Variants in CD247 observed in about 807,000 individuals in gnomAD.
The protein encoded by CD247 is CD247 molecule, also known as T-cell surface glycoprotein CD3 zeta chain.
Under a neutral mutation model 30.0 loss-of-function variants are expected in CD247, and 13 were observed. The observed-to-expected ratio is 0.43, with a 90% CI of 0.28 to 0.69. The LOEUF is 0.69. CD247 is among the 30% of genes least tolerant of loss of function. The pLI is 0.16. For synonymous variants in CD247, 72 were observed against 80.0 expected, an observed-to-expected ratio of 0.90 and a Z score of 0.53; for missense variants, 193 against 212.6, an observed-to-expected ratio of 0.91 and a Z score of 0.57.
At chr1:167,471,823 G>GTTTC (rs1653538406) in intron 1 of CD247, among the ~76,000 whole-genome samples, 1 of 132,580 alleles carries the variant, frequency 7.5e-6, no homozygotes, top group South Asian at 2.4e-4. Context: ...TTTTCTTTCT[G>GTTTC]TTTCTTTCTT....
chr1:167,452,161 G>T (rs1361166616), intron 1 of CD247, among the ~76,000 whole-genome samples: 1 of 152,180 alleles, frequency 6.6e-6, no homozygotes, highest in African/African-American at 2.4e-5. Flanking sequence ...GGAGGCAGAG[G>T]TTGCAGTGAG....
At chr1:167,513,864 G>A (rs575457927) in intron 1 of CD247, among the ~76,000 whole-genome samples, 2 of 152,196 alleles carry the variant, frequency 1.3e-5, no homozygotes, top group African/African-American at 4.8e-5. Flanking sequence ...TTTAATAATG[G>A]CAGGGTTTTA....
chr1:167,469,839 G>A (rs1653425966), intron 1 of CD247, among the ~76,000 whole-genome samples: 1 of 152,040 alleles, frequency 6.6e-6, no homozygotes, highest in Non-Finnish European at 1.5e-5. Context: ...TCAAGACTCA[G>A]GCCTTGGACC....
At chr1:167,455,683 G>A (rs1302850467) in intron 1 of CD247, among the ~76,000 whole-genome samples, 1 of 152,122 alleles carries the variant, frequency 6.6e-6, no homozygotes, top group Non-Finnish European at 1.5e-5. Flanking sequence ...CCCCACTTGC[G>A]GTCCCTTGTC....
intron 1 of CD247, among the ~76,000 whole-genome samples, chr1:167,479,419 A>G (rs1055036459): frequency 3.3e-5 from 5 of 152,322 alleles, no homozygotes; most frequent in Admixed American, 6.5e-5. Context: ...AGGGCCCCAT[A>G]GACCTGCTGA....
At position 167,438,567 on chromosome 1, in the gene CD247, T is replaced by C. The variant is rs1259655555; in HGVS notation, c.300+3A>G. 2 of 1,611,500 alleles carry C rather than the reference T, an allele frequency of 1.2e-6. No homozygotes were observed. The highest frequency in any genetic ancestry group is 3.3e-5 in the Admixed American group (2 of 60,008). On this transcript the variant is annotated splice_donor_region_variant and intron_variant, in intron 4 of 7. Coordinates refer to ENST00000362089, the MANE Select transcript of CD247 (RefSeq NM_198053.3). ...ACACACAGGAAGGTAGAGGAACCCC[T>C]ACCGGCTTTCCCCCCATCTCAGGGT...
At chr1:167,508,884 C>T (rs1411609422) in intron 1 of CD247, among the ~76,000 whole-genome samples, 1 of 152,186 alleles carries the variant, frequency 6.6e-6, no homozygotes, top group Non-Finnish European at 1.5e-5. Context: ...GGACCAGGGA[C>T]ACTTTCTTGT....
chr1:167,478,846 C>T (rs1653857566), intron 1 of CD247, among the ~76,000 whole-genome samples: 2 of 151,982 alleles, frequency 1.3e-5, no homozygotes, highest in Admixed American at 1.3e-4. Flanking sequence ...GGTGTAATTC[C>T]AATTTTGTTT....
chr1:167,496,423 C>A (rs1199377787), intron 1 of CD247, among the ~76,000 whole-genome samples: 1 of 152,176 alleles, frequency 6.6e-6, no homozygotes, highest in Non-Finnish European at 1.5e-5. Flanking sequence ...AGCCCTGCAA[C>A]CCCCCTGCTC....
intron 1 of CD247, among the ~76,000 whole-genome samples, chr1:167,492,256 T>C (rs1380264933): frequency 1.3e-5 from 2 of 152,162 alleles, no homozygotes; most frequent in African/African-American, 4.8e-5. Flanking sequence ...GTGCTCACAG[T>C]TGACATGTGT....
chr1:167,434,464 CA>C (rs1226739957), intron 5 of CD247: 1 of 356,096 alleles, frequency 2.8e-6, no homozygotes, highest in Non-Finnish European at 5.5e-6. Context: ...GGCTGTAGAT[CA>C]ACCCTCCCTC....
chr1:167,441,477 T>C (rs1039784014), intron 1 of CD247, among the ~76,000 whole-genome samples: 1 of 151,982 alleles, frequency 6.6e-6, no homozygotes, highest in Non-Finnish European at 1.5e-5. Context: ...GCCTTCTCTG[T>C]CTCCCCTCCT....
At chr1:167,451,622 A>C (rs1652354926) in intron 1 of CD247, among the ~76,000 whole-genome samples, 1 of 152,132 alleles carries the variant, frequency 6.6e-6, no homozygotes, top group African/African-American at 2.4e-5. Context: ...ATCCATTAAC[A>C]CTAATAATCC....
rs149019836 is a variant in CD247, at chr1:167,488,064, T to A, written c.58+30344A>T. Among the ~76,000 whole-genome samples, 10 of 152,270 alleles carry A rather than the reference T, an allele frequency of 6.6e-5. No individual in the cohort carries two copies. In the East Asian group the frequency reaches 1.7e-3, roughly 26 times the overall value. Reference sequence around the variant, plus strand: ...CCACAATACTACTTTCTAGCTGTGTTCCCCTGAGGAACTCATTCAAACTCA... The same window carrying A: ...CCACAATACTACTTTCTAGCTGTGTACCCCTGAGGAACTCATTCAAACTCA... On this transcript the variant is annotated intron_variant, in intron 1 of 7. Coordinates refer to ENST00000362089, the MANE Select transcript of CD247 (RefSeq NM_198053.3).
At chr1:167,497,989 T>C (rs1044605316) in intron 1 of CD247, among the ~76,000 whole-genome samples, 9 of 152,212 alleles carry the variant, frequency 5.9e-5, no homozygotes, top group Non-Finnish European at 1.3e-4. Flanking sequence ...CATAGTTTAC[T>C]GAGGGTCTAG....
At chr1:167,517,128 C>T (rs1241760406) in intron 1 of CD247, among the ~76,000 whole-genome samples, 1 of 152,240 alleles carries the variant, frequency 6.6e-6, no homozygotes, top group East Asian at 1.9e-4. Flanking sequence ...GGCACCCTCA[C>T]TCTGCCACAC....
In CD247 at chr1:167,431,598, A is replaced by C; in HGVS notation, c.*83T>G. 3.6e-6 allele frequency: 4 copies of C among 1,107,898 alleles called. No homozygotes were observed. The highest frequency in any genetic ancestry group is 1.2e-5 in the South Asian group (1 of 80,976). The allele number at this position is 1,107,898 out of a possible 1,614,324, so 68.6% of individuals were successfully genotyped here. ...ATACTTCAGTGGCTGAGAAGAGTGAACCGGGTTGTAAATGCTTCATCCTGT... is the reference window on the plus strand; with the variant it reads ...ATACTTCAGTGGCTGAGAAGAGTGACCCGGGTTGTAAATGCTTCATCCTGT... On this transcript the variant is annotated 3_prime_UTR_variant, in exon 8 of 8. Transcript: ENST00000362089.
intron 1 of CD247, among the ~76,000 whole-genome samples, chr1:167,454,983 T>TAGCCCA (rs1161018324): frequency 3.3e-5 from 5 of 152,184 alleles, no homozygotes; most frequent in African/African-American, 1.2e-4. Context: ...ATCCATCGGC[T>TAGCCCA]AGCCCAAGCC....
intron 7 of CD247, among the ~76,000 whole-genome samples, chr1:167,432,213 C>G (rs1361421070): frequency 6.6e-6 from 1 of 152,348 alleles, no homozygotes; most frequent in South Asian, 2.1e-4. Flanking sequence ...CCTCAGCCCT[C>G]TGTGAGCCTC....
Sources: gnomAD v4.1 joint callset for allele counts (sites outside exome capture counted in the v4.1 genomes callset) on GRCh38, gnomAD v4.1.1 for gene constraint, MANE v1.5 for transcripts, NCBI Gene and HGNC (gene_info 2026-07-23, HGNC 2026-07-21) for gene names.